Variants in KCNJ6 observed in about 807,000 individuals in gnomAD.
KCNJ6 encodes the protein potassium inwardly rectifying channel subfamily J member 6, also known as G protein-activated inward rectifier potassium channel 2.
KCNJ6 carries 9 observed loss-of-function variants against 34.2 expected under a neutral mutation model. The ratio of observed to expected loss-of-function variants is 0.26; its 90% CI spans 0.16 to 0.46. The LOEUF (loss-of-function observed/expected upper bound fraction) is 0.46, where lower values mean the gene tolerates loss of function less well. KCNJ6 is among the 20% of genes least tolerant of loss of function. The probability of loss-of-function intolerance (pLI) is 1.00; values close to 1 mark genes in which losing one functional copy is unlikely to be tolerated. For missense variants in KCNJ6, 236 were observed against 531.3 expected (o/e 0.44, Z 5.46); for synonymous variants, 196 against 207.1 (o/e 0.95, Z 0.46).
chr21:37,640,500 G>A (rs717859), intron 3 of KCNJ6, among the ~76,000 whole-genome samples: 40,617 of 152,214 alleles, frequency 0.27, 5,808 homozygotes, highest in South Asian at 0.31. Context: ...CCTTGGTCAA[G>A]TGTAAAAGCA....
At chr21:37,874,757 A>T (rs555825943) in intron 1 of KCNJ6, among the ~76,000 whole-genome samples, 7 of 152,274 alleles carry the variant, frequency 4.6e-5, no homozygotes, top group African/African-American at 1.7e-4. Flanking sequence ...CCTTAGAGTC[A>T]CTATGTCTGT....
intron 2 of KCNJ6, among the ~76,000 whole-genome samples, chr21:37,831,474 AAG>A (rs1374582933): frequency 1.3e-5 from 2 of 152,138 alleles, no homozygotes; most frequent in African/African-American, 4.8e-5. Flanking sequence ...TGAATAACAA[AAG>A]AGAGGCTGAA....
intron 3 of KCNJ6, among the ~76,000 whole-genome samples, chr21:37,651,039 A>G (rs1320895576): frequency 1.3e-5 from 2 of 152,226 alleles, no homozygotes; most frequent in African/African-American, 2.4e-5. Context: ...CCTAAAACTT[A>G]TCGAGGCTAG....
chr21:37,642,360 G>T (rs931572509), intron 3 of KCNJ6, among the ~76,000 whole-genome samples: 4 of 152,160 alleles, frequency 2.6e-5, no homozygotes, highest in African/African-American at 9.7e-5. Context: ...GGCAGTAGAA[G>T]ATCCGGAGAG....
At chr21:37,731,100 A>AGTGTGTGTATGTGT (rs2054882126) in intron 2 of KCNJ6, among the ~76,000 whole-genome samples, 1 of 134,674 alleles carries the variant, frequency 7.4e-6, no homozygotes, top group African/African-American at 2.5e-5. Context: ...AGATGAGAGA[A>AGTGTGTGTATGTGT]GTGTGTGTGT....
rs576231278 is a variant in KCNJ6, at chr21:37,624,257, C to T, written c.*902G>A. 6.6e-6 allele frequency: 1 copy of T among 152,204 alleles called. No homozygotes were observed. Among genetic ancestry groups the T allele is most frequent in the South Asian group, 2.1e-4 (1 of 4,814 alleles). 9.4% of individuals were successfully genotyped at this position (152,204 alleles called of 1,614,324 possible). On this transcript the variant is annotated 3_prime_UTR_variant, in exon 4 of 4. Transcript: ENST00000609713. The stretch of plus-strand genomic sequence containing the variant: ...TCAGCATATTGGTGGTGGGTTTTGC[C>T]ATCTACCAGACCTCTCAATTTCCCC...
chr21:37,704,598 A>C (rs1470173903), intron 3 of KCNJ6, among the ~76,000 whole-genome samples: 1 of 152,166 alleles, frequency 6.6e-6, no homozygotes, highest in Non-Finnish European at 1.5e-5. Flanking sequence ...GTAAAAGGAA[A>C]TGTATTTACT....
intron 2 of KCNJ6, among the ~76,000 whole-genome samples, chr21:37,805,093 A>G (rs1031598702): frequency 3.3e-5 from 5 of 152,136 alleles, no homozygotes; most frequent in African/African-American, 1.2e-4. Flanking sequence ...GAAAAGAGAT[A>G]AGGGATTGCC....
intron 3 of KCNJ6, among the ~76,000 whole-genome samples, chr21:37,666,828 A>T (rs1399940309): frequency 6.6e-6 from 1 of 151,872 alleles, no homozygotes. Flanking sequence ...CTGCCTTGGG[A>T]TGCTGTTAAT....
intron 3 of KCNJ6, among the ~76,000 whole-genome samples, chr21:37,707,862 T>A (rs1036613867): frequency 6.6e-6 from 1 of 150,822 alleles, no homozygotes; most frequent in African/African-American, 2.5e-5. Context: ...AATAAAACTC[T>A]ATTTGTTTAA....
chr21:37,698,365 C>T (rs1040382856), intron 3 of KCNJ6, among the ~76,000 whole-genome samples: 4 of 152,198 alleles, frequency 2.6e-5, no homozygotes, highest in Admixed American at 6.5e-5. Context: ...AGTGATGATG[C>T]GGTGCCCACT....
chr21:37,730,864 A>G (rs2054880689), intron 2 of KCNJ6, among the ~76,000 whole-genome samples: 1 of 152,224 alleles, frequency 6.6e-6, no homozygotes, highest in African/African-American at 2.4e-5. Context: ...AAAGGGAAAA[A>G]GCCAACCCTT....
At chr21:37,782,994 C>T (rs1384261052) in intron 2 of KCNJ6, among the ~76,000 whole-genome samples, 1 of 152,158 alleles carries the variant, frequency 6.6e-6, no homozygotes, top group Admixed American at 6.5e-5. Context: ...TTCCTCCTGC[C>T]ACCCGGCCCA....
chr21:37,788,327 G>A (rs2055201333), intron 2 of KCNJ6, among the ~76,000 whole-genome samples: 1 of 152,148 alleles, frequency 6.6e-6, no homozygotes, highest in Non-Finnish European at 1.5e-5. Flanking sequence ...TTGATATAGT[G>A]TATGATGTTC....
intron 2 of KCNJ6, among the ~76,000 whole-genome samples, chr21:37,734,481 T>C (rs899413163): frequency 2.6e-5 from 4 of 152,294 alleles, no homozygotes; most frequent in Admixed American, 6.5e-5. Flanking sequence ...AATTGATCTG[T>C]CTTAACAAAA....
chr21:37,762,894 G>A (rs1414879390), intron 2 of KCNJ6, among the ~76,000 whole-genome samples: 1 of 152,202 alleles, frequency 6.6e-6, no homozygotes, highest in Non-Finnish European at 1.5e-5. Context: ...TGTTCCTAAT[G>A]GGCAGCCCGG....
At chr21:37,894,628 C>T (rs2055778962) in intron 1 of KCNJ6, among the ~76,000 whole-genome samples, 1 of 151,994 alleles carries the variant, frequency 6.6e-6, no homozygotes, top group South Asian at 2.1e-4. Flanking sequence ...CGTGCCACTG[C>T]ACTCCAGCCT....
rs184106772 is a variant in KCNJ6 at position 37,866,772 on chromosome 21, G to A, written c.-27-26063C>T. ...TGTCTCTTGAGATCTGGGGGCCACA[G>A]GATGAACTAGAGATGGCCAACGGCT... On this transcript the variant is annotated intron_variant, in intron 1 of 3. Transcript: ENST00000609713. 1.9e-3 allele frequency among the ~76,000 whole-genome samples: 283 copies of A among 152,328 alleles called. 2 individuals are homozygous for A. The highest frequency in any genetic ancestry group is 6.7e-3 in the African/African-American group (278 of 41,576).
At chr21:37,768,472 G>GA (rs1262605818) in intron 2 of KCNJ6, among the ~76,000 whole-genome samples, 4 of 152,212 alleles carry the variant, frequency 2.6e-5, no homozygotes, top group East Asian at 3.9e-4. Flanking sequence ...GAAGAAAAAG[G>GA]AAAAAAACTG....
Sources: gnomAD v4.1 joint callset for allele counts (sites outside exome capture counted in the v4.1 genomes callset) on GRCh38, gnomAD v4.1.1 for gene constraint, MANE v1.5 for transcripts, NCBI Gene and HGNC (gene_info 2026-07-23, HGNC 2026-07-21) for gene names.